The following UCKL1 variants were observed in gnomAD, a reference collection of about 807,000 sequenced individuals.
UCKL1 encodes uridine-cytidine kinase-like 1.
In UCKL1, 65 loss-of-function variants were observed where a neutral mutation model predicts 59.2. The observed-to-expected ratio is 1.10, with a 90% CI of 0.90 to 1.35. UCKL1 has a LOEUF of 1.35. Ranked by LOEUF, UCKL1 falls within the 40% of genes most tolerant of loss-of-function variation. The pLI, the probability that UCKL1 is intolerant of heterozygous loss-of-function variation, is 0.00. For missense variants in UCKL1, 703 were observed against 784.3 expected, an observed-to-expected ratio of 0.90 and a Z score of 1.24; for synonymous variants, 410 against 323.1, an observed-to-expected ratio of 1.27 and a Z score of -2.88.
intron 1 of UCKL1, among the ~76,000 whole-genome samples, chr20:63,950,076 G>A (rs817312): frequency 0.027 from 4,107 of 152,292 alleles, 101 homozygotes; most frequent in African/African-American, 0.068. Context: ...TGACAGCCAG[G>A]CGCTGGCCCT....
At chr20:63,946,135 C>T in intron 3 of UCKL1, 26 bp downstream of exon 3, 1 of 1,610,654 alleles carries the variant, frequency 6.2e-7, no homozygotes, top group Non-Finnish European at 8.5e-7. Context: ...CAAAGGGGTC[C>T]TCGGGGGAGC....
Position 63,940,067 on chromosome 20 carries a change from G to A in UCKL1, c.1568-12C>T, listed in dbSNP as rs779342773. 11 of 1,147,014 alleles carry A rather than the reference G, an allele frequency of 9.6e-6. No homozygotes were observed. Among genetic ancestry groups the A allele is most frequent in the Middle Eastern group, 2.1e-4 (1 of 4,876 alleles). The allele number at this position is 1,147,014 out of a possible 1,614,324, so 71.1% of individuals were successfully genotyped here. A position where few individuals can be genotyped will look rare whatever the true frequency, so the allele number is the denominator to read the frequency against. On this transcript the variant is annotated splice_polypyrimidine_tract_variant and intron_variant, in intron 14 of 14. Transcript: ENST00000354216. ...GTCGCCAAAGTTCCCTGGAAAAAGGGGGGGGGGGGTCCAGTGTGGTGGGGC... is the reference window on the plus strand; with the variant it reads ...GTCGCCAAAGTTCCCTGGAAAAAGGAGGGGGGGGGTCCAGTGTGGTGGGGC...
At position 63,944,517 on chromosome 20, in the gene UCKL1, CACCCAACAGGCA is replaced by C. The variant is rs1185188352; in HGVS notation, c.844+16_844+27del. On this transcript the variant is annotated intron_variant, in intron 6 of 14. Transcript: ENST00000354216. ...CTGGGCCGTTGGCCTGCCCGACACC[CACCCAACAGGCA>C]GCCCAGCAGGCTCACCTCTGGGGAC... 1.3e-6 allele frequency: 2 copies of C among 1,597,094 alleles called. No individual in the cohort carries two copies. The highest frequency in any genetic ancestry group is 1.7e-6 in the Non-Finnish European group (2 of 1,171,904).
intron 1 of UCKL1, among the ~76,000 whole-genome samples, chr20:63,951,820 CAG>C (rs1205347605): frequency 6.6e-6 from 1 of 150,990 alleles, no homozygotes; most frequent in African/African-American, 2.4e-5. Context: ...CCCACAGAAA[CAG>C]GGTTTCGGCC....
At chr20:63,955,881 C>T (rs1176517445) in intron 1 of UCKL1, 5 of 165,016 alleles carry the variant, frequency 3.0e-5, no homozygotes, top group Non-Finnish European at 6.5e-5. Context: ...TAAGCCCTGG[C>T]CTCGCGGGTC....
chr20:63,940,090 G>A lies in UCKL1; in HGVS notation c.1568-35C>T, dbSNP rs551185661. On this transcript the variant is annotated intron_variant, in intron 14 of 14. Transcript: ENST00000354216. ...GGGGGGGGGGGGTCCAGTGTGGTGG[G>A]GCCTCCCAGGGCCACCCACCCTGCC... The A allele has an allele frequency of 2.5e-6, 4 of 1,611,310 alleles. No homozygotes were observed. In the South Asian group the frequency reaches 3.3e-5, roughly 13 times the overall value.
rs143544446 is a variant in UCKL1 at position 63,946,594 on chromosome 20, G to T, written c.163C>A (p.Arg55Ser). 5.0e-6 allele frequency: 8 copies of T among 1,610,758 alleles called. No homozygotes were observed. The highest frequency in any genetic ancestry group is 6.8e-6 in the Non-Finnish European group (8 of 1,179,826). The change falls in exon 2 of 15, where the codon CGC becomes AGC. Residue 55 changes from arginine (R) to serine (S), a missense_variant. Around this residue, in one of 4 missense-constraint regions of UCKL1, gnomAD observed 398 missense variants for 373.0 expected, o/e 1.07. Coordinates refer to ENST00000354216, the MANE Select transcript of UCKL1 (RefSeq NM_017859.4). ...DRLLPPVGTG[R>S]SPRKRTTSQC... is the part of the protein sequence containing the mutation. ...CTGGTGGTCCGCTTCCGGGGAGAGC[G>T]CCCAGTGCCCACAGGTGGCAGGAGC...
chr20:63,950,821 G>A (rs1269415452), intron 1 of UCKL1: 11 of 1,531,656 alleles, frequency 7.2e-6, no homozygotes, highest in Non-Finnish European at 9.7e-6. Context: ...CTGGGGGGCT[G>A]CTCATGGTCG....
rs1341700329 is a variant in UCKL1, at chr20:63,956,394, G to T, written c.-22C>A. 2.2e-6 allele frequency: 3 copies of T among 1,393,558 alleles called. No individual in the cohort carries two copies. Among genetic ancestry groups the T allele is most frequent in the Non-Finnish European group, 1.9e-6 (2 of 1,074,674 alleles). The allele number at this position is 1,393,558 out of a possible 1,614,324, so 86.3% of individuals were successfully genotyped here. ...CCATGGCGCTCGGAGGCCTCTTTGC[G>T]GGCCTGGCCGGGCGGCGCGCATGGG... is the stretch of plus-strand genomic sequence containing the variant. On this transcript the variant is annotated 5_prime_UTR_variant, in exon 1 of 15. Transcript: ENST00000354216.
chr20:63,942,517 G>A (rs1235074000), intron 8 of UCKL1: 1 of 1,168,016 alleles, frequency 8.6e-7, no homozygotes, highest in Admixed American at 3.8e-5. Context: ...AGCATGTTCA[G>A]GGAGGGAACA....
Position 63,945,635 on chromosome 20 carries a change from C to A in UCKL1, c.654+16G>T. 6.2e-7 allele frequency: 1 copy of A among 1,612,424 alleles called. No homozygotes were observed. Among genetic ancestry groups the A allele is most frequent in the Non-Finnish European group, 8.5e-7 (1 of 1,179,588 alleles). ...CTGAGATACCAGCGGGGTGGGTATT[C>A]CCGGCGGGTGCTTACCTCCAACAGT... On this transcript the variant is annotated intron_variant, in intron 5 of 14. Coordinates refer to ENST00000354216, the MANE Select transcript of UCKL1 (RefSeq NM_017859.4).
chr20:63,950,333 T>C (rs2057387553), intron 1 of UCKL1, among the ~76,000 whole-genome samples: 1 of 152,160 alleles, frequency 6.6e-6, no homozygotes, highest in Non-Finnish European at 1.5e-5. Flanking sequence ...AACAGTCCTT[T>C]GGAGGCTGCA....
chr20:63,955,875 C>T (rs575863644), intron 1 of UCKL1: 1 of 163,026 alleles, frequency 6.1e-6, no homozygotes, highest in African/African-American at 2.4e-5. Context: ...AAATCCTAAG[C>T]CCTGGCCTCG....
At chr20:63,950,755 T>C (rs774471487) in intron 1 of UCKL1, 1 of 1,531,158 alleles carries the variant, frequency 6.5e-7, no homozygotes, top group Non-Finnish European at 8.8e-7. Context: ...CAGTCGAGAC[T>C]CACCTGCCTT....
Position 63,940,064 on chromosome 20 carries a change from AGGGGG to A in UCKL1, c.1568-14_1568-10del. 4 of 1,509,280 alleles carry A rather than the reference AGGGGG, an allele frequency of 2.7e-6. No individual in the cohort carries two copies. Among genetic ancestry groups the A allele is most frequent in the Non-Finnish European group, 3.6e-6 (4 of 1,114,172 alleles). 93.5% of individuals were successfully genotyped at this position (1,509,280 alleles called of 1,614,324 possible). On this transcript the variant is annotated splice_polypyrimidine_tract_variant and intron_variant, in intron 14 of 14. Transcript: ENST00000354216. ...GCGGTCGCCAAAGTTCCCTGGAAAA[AGGGGG>A]GGGGGGGTCCAGTGTGGTGGGGCCT...
intron 1 of UCKL1, chr20:63,950,900 G>A (rs2057489374): frequency 1.4e-6 from 2 of 1,420,874 alleles, no homozygotes; most frequent in Admixed American, 6.0e-5. Context: ...CTCAGGCGCA[G>A]GCAGCCGTGG....
Position 63,946,305 on chromosome 20 carries a change from C to T in UCKL1, c.305-38G>A, listed in dbSNP as rs199870303. The T allele has an allele frequency of 4.4e-5, 68 of 1,557,162 alleles. No homozygotes were observed. The Middle Eastern group carries it at 5.1e-4, about 12-fold the overall frequency. ...GTGGAGACCCTCTGTGAGGAACAGG[C>T]AGGCTGCCGGCACAGATAGGTCCCA... On this transcript the variant is annotated intron_variant, in intron 2 of 14. Coordinates refer to ENST00000354216, the MANE Select transcript of UCKL1 (RefSeq NM_017859.4).
intron 1 of UCKL1, among the ~76,000 whole-genome samples, chr20:63,951,898 A>C (rs951115031): frequency 6.6e-6 from 1 of 152,152 alleles, no homozygotes; most frequent in Non-Finnish European, 1.5e-5. Context: ...GCTCTCTCCC[A>C]GGGGCAGACA....
At chr20:63,947,544 C>T (rs991601237) in intron 1 of UCKL1, among the ~76,000 whole-genome samples, 1 of 152,232 alleles carries the variant, frequency 6.6e-6, no homozygotes, top group Non-Finnish European at 1.5e-5. Context: ...TCAGCCAGGA[C>T]CTGATTCTCC....
Sources: gnomAD v4.1 joint callset for allele counts (sites outside exome capture counted in the v4.1 genomes callset) on GRCh38, gnomAD v4.1.1 for gene constraint, gnomAD v4.1.1 regional missense constraint, MANE v1.5 for transcripts, NCBI Gene and HGNC (gene_info 2026-07-23, HGNC 2026-07-21) for gene names.